The following FAM227A variants were observed in gnomAD, a reference collection of about 807,000 sequenced individuals.
The protein encoded by FAM227A is protein FAM227A.
FAM227A carries 80 observed loss-of-function variants against 74.7 expected under a neutral mutation model. The observed-to-expected ratio is 1.07, with a 90% CI of 0.89 to 1.29. The LOEUF (loss-of-function observed/expected upper bound fraction) is 1.29, where lower values mean the gene tolerates loss of function less well. Ranked by LOEUF, FAM227A falls within the 50% of genes most tolerant of loss-of-function variation. The pLI is 0.00. For missense variants in FAM227A, 654 were observed against 683.4 expected, an observed-to-expected ratio of 0.96 and a Z score of 0.48; for synonymous variants, 237 against 241.8, an observed-to-expected ratio of 0.98 and a Z score of 0.19.
At chr22:38,626,341 T>C in intron 8 of FAM227A, 38 bp from the exon 9 acceptor site, 3 of 1,535,956 alleles carry the variant, frequency 2.0e-6, no homozygotes, top group Non-Finnish European at 1.8e-6. Context: ...GTTCTCAACA[T>C]TTCCACCCGG....
chr22:38,613,326 C>CATATATAATATATATA (rs2091490884), intron 11 of FAM227A, among the ~76,000 whole-genome samples: 1 of 52,316 alleles, frequency 1.9e-5, no homozygotes, highest in Non-Finnish European at 3.3e-5. Flanking sequence ...TAATATATAT[C>CATATATAATATATATA]ATATATAATA....
intron 9 of FAM227A, 26 bp from the exon 10 acceptor site, chr22:38,623,305 T>C (rs372034163): frequency 1.4e-6 from 2 of 1,465,962 alleles, no homozygotes; most frequent in Non-Finnish European, 1.9e-6. Flanking sequence ...AGAGTGAGAA[T>C]GGGGCCGGGT....
At chr22:38,594,929 T>C (rs1487706791) in intron 15 of FAM227A, among the ~76,000 whole-genome samples, 1 of 152,070 alleles carries the variant, frequency 6.6e-6, no homozygotes, top group East Asian at 1.9e-4. Context: ...AAACCCTGTC[T>C]CTACTAAAAA....
At chr22:38,620,158 T>A in intron 11 of FAM227A, 54 bp downstream of exon 11, 1 of 1,269,448 alleles carries the variant, frequency 7.9e-7, no homozygotes, top group Non-Finnish European at 1.1e-6. Flanking sequence ...GAACCGAGGG[T>A]TCCTGAAGCT....
chr22:38,605,184 C>A (rs1602908373), intron 13 of FAM227A, 70 bp downstream of exon 13: 1 of 870,522 alleles, frequency 1.1e-6, no homozygotes, highest in East Asian at 2.7e-5. Context: ...TGTTAATTAT[C>A]ATTTTCTTAC....
rs1244741070 is a variant in FAM227A, at chr22:38,583,077, G to A, written c.*3048C>T. The A allele has an allele frequency of 1.6e-5, 17 of 1,037,692 alleles. No individual in the cohort carries two copies. The highest frequency in any genetic ancestry group is 2.3e-5 in the Non-Finnish European group (16 of 710,774). 64.3% of individuals were successfully genotyped at this position (1,037,692 alleles called of 1,614,324 possible). A position where few individuals can be genotyped will look rare whatever the true frequency, so the allele number is the denominator to read the frequency against. On this transcript the variant is annotated 3_prime_UTR_variant, in exon 17 of 17. Coordinates refer to ENST00000535113, the MANE Select transcript of FAM227A (RefSeq NM_001013647.2). ...TGAAGAGTTGACAGTGGCTGGGGTA[G>A]TAAAGGGAAGGTGAGAGAGTGTTCT...
intron 2 of FAM227A, among the ~76,000 whole-genome samples, chr22:38,648,966 T>C (rs1444782287): frequency 3.5e-5 from 5 of 141,452 alleles, no homozygotes; most frequent in East Asian, 2.1e-4. Flanking sequence ...AGTGAGACTC[T>C]GTCTCAAAAA....
chr22:38,652,932 A>T (rs2145755745), intron 1 of FAM227A, among the ~76,000 whole-genome samples: 1 of 152,084 alleles, frequency 6.6e-6, no homozygotes, highest in African/African-American at 2.4e-5. Context: ...TTTTTAGTAT[A>T]ACCCTCAGTC....
chr22:38,644,630 G>A (rs1385962979), intron 3 of FAM227A, among the ~76,000 whole-genome samples: 4 of 151,938 alleles, frequency 2.6e-5, no homozygotes, highest in African/African-American at 9.7e-5. Flanking sequence ...TCTGAATGTC[G>A]AGTGATGATG....
chr22:38,588,799 G>A (rs994454636), intron 16 of FAM227A, among the ~76,000 whole-genome samples: 3 of 149,562 alleles, frequency 2.0e-5, no homozygotes, highest in African/African-American at 7.4e-5. Context: ...GTGGTAGCAG[G>A]TGCCTGTAGT....
chr22:38,652,677 G>T (rs1467552025), intron 1 of FAM227A, among the ~76,000 whole-genome samples: 1 of 151,248 alleles, frequency 6.6e-6, no homozygotes. Flanking sequence ...ACGAGGTCAG[G>T]AGATCGAGAC....
intron 6 of FAM227A, among the ~76,000 whole-genome samples, chr22:38,636,119 G>GAA (rs1555970555): frequency 1.3e-5 from 2 of 150,346 alleles, no homozygotes; most frequent in African/African-American, 5.0e-5. Context: ...GAAAAGAAAA[G>GAA]AAAAAAGAGA....
At position 38,604,324 on chromosome 22, in the gene FAM227A, C is replaced by CA. The variant is rs917037313; in HGVS notation, c.1221+929dup. On this transcript the variant is annotated intron_variant, in intron 13 of 16. Transcript: ENST00000535113. ...CCTGGGTGACAGACTGAGACTGTCTCAAAAAAACAAAAACAAAAAAACAAG... is the reference window on the plus strand; with the variant it reads ...CCTGGGTGACAGACTGAGACTGTCTCAAAAAAAACAAAAACAAAAAAACAAG... Among the ~76,000 whole-genome samples, 9 of 151,984 alleles carry CA rather than the reference C, an allele frequency of 5.9e-5. No individual in the cohort carries two copies. In the South Asian group the frequency reaches 8.3e-4, roughly 14 times the overall value.
chr22:38,608,793 C>CTTTTT (rs35393303), intron 11 of FAM227A, among the ~76,000 whole-genome samples: 3 of 97,028 alleles, frequency 3.1e-5, no homozygotes, highest in Non-Finnish European at 5.7e-5. Flanking sequence ...ACCCTTGTTC[C>CTTTTT]TTTTTTTTTT....
At chr22:38,597,530 T>C (rs769228151) in intron 14 of FAM227A, among the ~76,000 whole-genome samples, 174 bp from the exon 15 acceptor site, 1 of 152,170 alleles carries the variant, frequency 6.6e-6, no homozygotes, top group Non-Finnish European at 1.5e-5. Context: ...TCTCCTGCTC[T>C]TTGACCATGG....
At chr22:38,630,616 AG>A (rs1008348081) in intron 6 of FAM227A, among the ~76,000 whole-genome samples, 32 of 152,176 alleles carry the variant, frequency 2.1e-4, no homozygotes, top group African/African-American at 7.5e-4. Flanking sequence ...GGAGTATACT[AG>A]TTACTGATTG....
intron 10 of FAM227A, among the ~76,000 whole-genome samples, chr22:38,622,431 C>A (rs1569215938): frequency 6.6e-6 from 1 of 152,232 alleles, no homozygotes; most frequent in Non-Finnish European, 1.5e-5. Context: ...GTTCCCAGTG[C>A]TGAGCAGAGT....
intron 2 of FAM227A, among the ~76,000 whole-genome samples, chr22:38,646,361 G>A (rs1050984162): frequency 7.3e-6 from 1 of 136,356 alleles, no homozygotes; most frequent in Non-Finnish European, 1.5e-5. Flanking sequence ...CCGGGTTCAC[G>A]CCATTCTCCT....
intron 6 of FAM227A, among the ~76,000 whole-genome samples, chr22:38,631,003 A>G (rs1429508454): frequency 6.6e-6 from 1 of 152,162 alleles, no homozygotes; most frequent in Admixed American, 6.5e-5. Context: ...CCCTGTCTCT[A>G]CTAAAAATAC....
Sources: allele counts gnomAD v4.1 joint callset (sites outside exome capture counted in the v4.1 genomes callset), GRCh38; gene constraint gnomAD v4.1.1; transcripts MANE v1.5; gene names NCBI Gene and HGNC (gene_info 2026-07-23, HGNC 2026-07-21).